Variants in MTUS2 observed in about 807,000 individuals in gnomAD.
MTUS2 encodes microtubule-associated tumor suppressor candidate 2.
In MTUS2, 40 loss-of-function variants were observed where a neutral mutation model predicts 114.1. The observed-to-expected ratio is 0.35, with a 90% CI of 0.27 to 0.46. MTUS2 has a LOEUF of 0.46. Among genes scored for constraint, MTUS2 ranks in the 20% least tolerant of loss-of-function variants. The probability of loss-of-function intolerance (pLI) is 1.00; values close to 1 mark genes in which losing one functional copy is unlikely to be tolerated. For missense variants in MTUS2, 1,679 were observed against 1,705.4 expected (o/e 0.98, Z 0.27); for synonymous variants, 688 against 672.0 (o/e 1.02, Z -0.37).
At chr13:29,482,798 T>C (rs1881291950) in intron 10 of MTUS2, among the ~76,000 whole-genome samples, 1 of 152,222 alleles carries the variant, frequency 6.6e-6, no homozygotes, top group South Asian at 2.1e-4. Context: ...ACTGAATCTT[T>C]CCAACACAAA....
intron 8 of MTUS2, among the ~76,000 whole-genome samples, chr13:29,384,016 T>A (rs1200543152): frequency 2.0e-5 from 3 of 152,202 alleles, no homozygotes; most frequent in East Asian, 3.8e-4. Context: ...TAATGAAACC[T>A]GGAGTGGGGT....
chr13:29,344,113 G>A (rs906749768), intron 7 of MTUS2, among the ~76,000 whole-genome samples: 2 of 151,946 alleles, frequency 1.3e-5, no homozygotes, highest in African/African-American at 4.8e-5. Context: ...GCTGATGAAT[G>A]TACATTCTGC....
chr13:29,458,956 C>T (rs1879299547), intron 9 of MTUS2, among the ~76,000 whole-genome samples: 1 of 152,252 alleles, frequency 6.6e-6, no homozygotes, highest in Non-Finnish European at 1.5e-5. Flanking sequence ...CGCCACTGTC[C>T]CTAGGTTGCT....
intron 5 of MTUS2, among the ~76,000 whole-genome samples, chr13:29,252,799 T>C (rs1165985002): frequency 1.3e-5 from 2 of 152,112 alleles, no homozygotes; most frequent in Admixed American, 1.3e-4. Context: ...GTTTCCCCTT[T>C]CACTTGGCCC....
At chr13:29,223,285 A>G (rs2139330318) in intron 5 of MTUS2, among the ~76,000 whole-genome samples, 2 of 152,158 alleles carry the variant, frequency 1.3e-5, no homozygotes, top group East Asian at 3.9e-4. Flanking sequence ...AAATCCCTGG[A>G]CTCAACCAGA....
At chr13:29,265,899 T>C (rs1054340106) in intron 5 of MTUS2, among the ~76,000 whole-genome samples, 1 of 152,116 alleles carries the variant, frequency 6.6e-6, no homozygotes, top group Non-Finnish European at 1.5e-5. Context: ...GGGGCACACA[T>C]CAAAACCAAA....
rs71434704 is a variant in MTUS2, at chr13:29,148,499, G to A, written c.2644+47529G>A. Among the ~76,000 whole-genome samples, 4 of 39,776 alleles carry A rather than the reference G, an allele frequency of 1.0e-4. 1 individual carries two copies. Among genetic ancestry groups the A allele is most frequent in the Admixed American group, 3.8e-4 (1 of 2,664 alleles). The allele number at this position is 39,776 out of a possible 152,430, so 26.1% of individuals were successfully genotyped here. ...TTTTTTTTTTTTTTTTTTTTTTTGA[G>A]ACGGAGTCTCGCTCTGTCGCCCAGG... On this transcript the variant is annotated intron_variant, in intron 5 of 15. Transcript: ENST00000612955.
At position 29,505,695 on chromosome 13, in the gene MTUS2, C is replaced by T; in HGVS notation, c.*2489C>T. ...AGCCTCTGCACCTGCCTCAGACAGA[C>T]CCACCAGATACCACCTGTCTCTTCG... is the stretch of plus-strand genomic sequence containing the variant. On this transcript the variant is annotated 3_prime_UTR_variant, in exon 16 of 16. Coordinates refer to ENST00000612955, the MANE Select transcript of MTUS2 (RefSeq NM_001033602.4). 4.3e-6 allele frequency: 1 copy of T among 230,140 alleles called. No homozygotes were observed. The highest frequency in any genetic ancestry group is 6.1e-5 in the East Asian group (1 of 16,262). The allele number at this position is 230,140 out of a possible 1,614,324, so 14.3% of individuals were successfully genotyped here.
intron 6 of MTUS2, among the ~76,000 whole-genome samples, chr13:29,315,158 TAGAA>T (rs1899934453): frequency 6.6e-6 from 1 of 152,142 alleles, no homozygotes; most frequent in Non-Finnish European, 1.5e-5. Flanking sequence ...TAGTGGGTAC[TAGAA>T]ATTGGGAAGG....
At chr13:29,479,022 A>G (rs770770125) in intron 9 of MTUS2, among the ~76,000 whole-genome samples, 18 of 152,192 alleles carry the variant, frequency 1.2e-4, no homozygotes, top group Admixed American at 5.2e-4. Context: ...AGCTGCCTCT[A>G]TAGCGTGGGA....
rs1264653000 is a variant in MTUS2 at position 29,389,993 on chromosome 13, GTA to G, written c.3117+30522_3117+30523del. ...TATATACACATACATGTATGTGTAT[GTA>G]TGTATGTGTATATATACACATACAT... is the stretch of plus-strand genomic sequence containing the variant. On this transcript the variant is annotated intron_variant, in intron 8 of 15. Transcript: ENST00000612955. 9.3e-5 allele frequency among the ~76,000 whole-genome samples: 9 copies of G among 97,078 alleles called. 3 individuals carry two copies. Among genetic ancestry groups the G allele is most frequent in the East Asian group, 8.7e-4 (3 of 3,468 alleles). 63.7% of individuals were successfully genotyped at this position (97,078 alleles called of 152,430 possible). A position where few individuals can be genotyped will look rare whatever the true frequency, so the allele number is the denominator to read the frequency against.
intron 7 of MTUS2, among the ~76,000 whole-genome samples, chr13:29,344,331 C>T (rs1868453227): frequency 6.6e-6 from 1 of 152,062 alleles, no homozygotes; most frequent in East Asian, 1.9e-4. Context: ...TTGGGAGCTC[C>T]AGTGTTAGGT....
chr13:29,113,292 G>A (rs1890954146), intron 5 of MTUS2, among the ~76,000 whole-genome samples: 1 of 152,184 alleles, frequency 6.6e-6, no homozygotes, highest in Non-Finnish European at 1.5e-5. Flanking sequence ...ACCTGCACCA[G>A]CCACTAAGGG....
At chr13:29,045,630 A>G (rs1010169208) in intron 4 of MTUS2, among the ~76,000 whole-genome samples, 2 of 152,338 alleles carry the variant, frequency 1.3e-5, no homozygotes, top group African/African-American at 4.8e-5. Context: ...GAAATGCTAC[A>G]TAACCATGGT....
intron 8 of MTUS2, among the ~76,000 whole-genome samples, chr13:29,366,537 G>A (rs1870726229): frequency 6.6e-6 from 1 of 152,166 alleles, no homozygotes; most frequent in South Asian, 2.1e-4. Context: ...TGACACTTAA[G>A]CACCAGAAAG....
At chr13:29,236,811 G>A (rs1319513510) in intron 5 of MTUS2, among the ~76,000 whole-genome samples, 1 of 152,164 alleles carries the variant, frequency 6.6e-6, no homozygotes, top group Non-Finnish European at 1.5e-5. Flanking sequence ...CTTTCTGGAA[G>A]GGAAATGCAG....
chr13:28,846,055 A>AATATATATAT lies in MTUS2; in HGVS notation c.-243+6216_-243+6225dup, dbSNP rs10684198. Among the ~76,000 whole-genome samples the AATATATATAT allele has an allele frequency of 7.0e-5, 10 of 143,160 alleles. No individual in the cohort carries two copies. The South Asian group carries it at 1.1e-3, about 16-fold the overall frequency. 93.9% of individuals were successfully genotyped at this position (143,160 alleles called of 152,430 possible). ...TATGCAGTCTTTTTCTTAAAAAAAAAATATATATATATATATATATTCCTC... is the reference window on the plus strand; with the variant it reads ...TATGCAGTCTTTTTCTTAAAAAAAAAATATATATATATATATATATATATATATATTCCTC... On this transcript the variant is annotated intron_variant, in intron 2 of 15. Transcript: ENST00000612955.
intron 6 of MTUS2, among the ~76,000 whole-genome samples, chr13:29,302,246 G>A (rs913261373): frequency 4.6e-5 from 7 of 152,214 alleles, no homozygotes; most frequent in Admixed American, 3.3e-4. Context: ...CCACCCAGGA[G>A]TGGCACAGAG....
At chr13:29,108,861 G>A (rs541715106) in intron 5 of MTUS2, among the ~76,000 whole-genome samples, 13 of 152,274 alleles carry the variant, frequency 8.5e-5, no homozygotes, top group African/African-American at 3.1e-4. Flanking sequence ...TTGGTTTTAG[G>A]TAATTGACAA....
Sources: allele counts gnomAD v4.1 joint callset (sites outside exome capture counted in the v4.1 genomes callset), GRCh38; gene constraint gnomAD v4.1.1; transcripts MANE v1.5; gene names NCBI Gene and HGNC (gene_info 2026-07-23, HGNC 2026-07-21).